PFKFB3: variants seen among roughly 807,000 people sequenced by gnomAD.
The protein encoded by PFKFB3 is 6-phosphofructo-2-kinase/fructose-2,6-bisphosphatase 3.
PFKFB3 carries 33 observed loss-of-function variants against 68.0 expected under a neutral mutation model. That is an observed-to-expected ratio of 0.49 (90% CI 0.37 to 0.65). PFKFB3 has a LOEUF of 0.65. Among genes scored for constraint, PFKFB3 ranks in the 30% least tolerant of loss-of-function variants. PFKFB3 has a pLI of 0.00. For missense variants in PFKFB3, 586 were observed against 712.2 expected (o/e 0.82, Z 2.02); for synonymous variants, 315 against 288.2 (o/e 1.09, Z -0.94).
At chr10:6,246,305 A>T (rs1846257702) in intron 14 of PFKFB3, among the ~76,000 whole-genome samples, 1 of 150,738 alleles carries the variant, frequency 6.6e-6, no homozygotes, top group Non-Finnish European at 1.5e-5. Context: ...CTTGATGTAC[A>T]TTTTTATTTT....
chr10:6,278,168 G>A, the PFKFB3 span, among the ~76,000 whole-genome samples: 3 of 151,972 alleles, frequency 2.0e-5, no homozygotes, highest in Non-Finnish European at 2.9e-5. Flanking sequence ...CGCCTGCCTC[G>A]GCCTCCCAAA....
chr10:6,146,947 A>G lies in PFKFB3; in HGVS notation c.16+1934A>G, dbSNP rs193267813. ...TCCTGGAGGTCCCAGAGTGTAAGAA[A>G]CTGTTGCTTGGCATAAGTGCTGTCT... On this transcript the variant is annotated intron_variant, in intron 1 of 14. Transcript: ENST00000379789. Among the ~76,000 whole-genome samples the G allele has an allele frequency of 2.0e-5, 3 of 152,312 alleles. No individual in the cohort carries two copies. The East Asian group carries it at 5.8e-4, about 29-fold the overall frequency.
intron 1 of PFKFB3, among the ~76,000 whole-genome samples, chr10:6,203,688 A>G (rs962333244): frequency 6.6e-6 from 1 of 151,908 alleles, no homozygotes; most frequent in Non-Finnish European, 1.5e-5. Flanking sequence ...AGCGCAGCCC[A>G]GGGACCCGGC....
chr10:6,291,669 A>C, the PFKFB3 span, among the ~76,000 whole-genome samples: 3 of 152,216 alleles, frequency 2.0e-5, 1 homozygote, highest in South Asian at 6.2e-4. Flanking sequence ...TGACTAGAAA[A>C]TCTCAAATAC....
chr10:6,229,713 C>T lies in PFKFB3; in HGVS notation c.1516-3182C>T, dbSNP rs1845607555. ...TTGGACTTGGAGCCTGAAGGTTTTA[C>T]ATCTGTGCATGTCCTGATCCTTTAG... On this transcript the variant is annotated intron_variant, in intron 14 of 14. Coordinates refer to ENST00000379775, the MANE Select transcript of PFKFB3 (RefSeq NM_004566.4). The surrounding 1 kb of genome is among the most constrained non-coding windows in gnomAD (Gnocchi z 4.3). 6.6e-6 allele frequency among the ~76,000 whole-genome samples: 1 copy of T among 152,234 alleles called. No individual in the cohort carries two copies. Among genetic ancestry groups the T allele is most frequent in the Non-Finnish European group, 1.5e-5 (1 of 68,046 alleles).
At chr10:6,302,625 C>T in the PFKFB3 span, among the ~76,000 whole-genome samples, 1 of 151,908 alleles carries the variant, frequency 6.6e-6, no homozygotes, top group East Asian at 1.9e-4. Flanking sequence ...AGGCAATCCA[C>T]CTGCCTCGGC....
rs1315338124 is a variant in PFKFB3 at position 6,206,923 on chromosome 10, G to A, written c.76+3587G>A. 4.5e-4 allele frequency among the ~76,000 whole-genome samples: 63 copies of A among 139,994 alleles called. 1 individual carries two copies. Among genetic ancestry groups the A allele is most frequent in the African/African-American group, 1.5e-3 (59 of 38,254 alleles). The allele number at this position is 139,994 out of a possible 152,430, so 91.8% of individuals were successfully genotyped here. A position where few individuals can be genotyped will look rare whatever the true frequency, so the allele number is the denominator to read the frequency against. Reference sequence around the variant, plus strand: ...GCTCCTCACATCCCAGACGATGGGCGGCCAGGCAGAGACACTCCTCACTTT... The same window carrying A: ...GCTCCTCACATCCCAGACGATGGGCAGCCAGGCAGAGACACTCCTCACTTT... On this transcript the variant is annotated intron_variant, in intron 1 of 14. Transcript: ENST00000379775.
intron 1 of PFKFB3, among the ~76,000 whole-genome samples, chr10:6,174,806 GTTTC>G (rs1842414100): frequency 7.0e-6 from 1 of 143,248 alleles, no homozygotes; most frequent in East Asian, 2.1e-4. Flanking sequence ...CTTCTACTTT[GTTTC>G]TTTCTTTAAT....
At position 6,158,680 on chromosome 10, in the gene PFKFB3, A is replaced by T. The variant is rs146135969; in HGVS notation, c.16+13667A>T. On this transcript the variant is annotated intron_variant, in intron 1 of 14. Coordinates refer to the PFKFB3 transcript ENST00000379789. ...CAGGAGTTCAAGACCAGCCTGGTCG[A>T]CATGGTGAAACCCCATCTCTACTAA... is the stretch of plus-strand genomic sequence containing the variant. Among the ~76,000 whole-genome samples the T allele has an allele frequency of 7.1e-3, 1,088 of 152,286 alleles. 13 individuals are homozygous for T. The highest frequency in any genetic ancestry group is 0.059 in the South Asian group (286 of 4,812).
At chr10:6,189,061 G>C (rs947998338) in intron 1 of PFKFB3, among the ~76,000 whole-genome samples, 7 of 152,026 alleles carry the variant, frequency 4.6e-5, no homozygotes, top group South Asian at 2.1e-4. Context: ...GGATGGTCTC[G>C]ATCTCCTGAC....
chr10:6,219,521 GA>G, intron 6 of PFKFB3, 47 bp from the exon 7 acceptor site: 1 of 1,611,804 alleles, frequency 6.2e-7, no homozygotes, highest in Non-Finnish European at 8.5e-7. Context: ...AATCTCAGCA[GA>G]AAGCCTTCCA....
chr10:6,324,169 G>A, the PFKFB3 span, among the ~76,000 whole-genome samples: 2 of 152,166 alleles, frequency 1.3e-5, no homozygotes, highest in Non-Finnish European at 2.9e-5. Context: ...CAACATGGAC[G>A]AACCTTGATG....
the PFKFB3 span, among the ~76,000 whole-genome samples, chr10:6,296,368 A>C: frequency 6.6e-6 from 1 of 152,190 alleles, no homozygotes; most frequent in Non-Finnish European, 1.5e-5. Flanking sequence ...ATGTTACCGG[A>C]AAGGGGTCCC....
Position 6,167,726 on chromosome 10 carries a change from A to C in PFKFB3, c.16+22713A>C, listed in dbSNP as rs79401430. The stretch of plus-strand genomic sequence containing the variant: ...CCTCTCTGCTCTGAGCAGTTTGTGG[A>C]GCTCCAGAAGATGTCTCTGATGATC... On this transcript the variant is annotated intron_variant, in intron 1 of 14. Transcript: ENST00000379789. Among the ~76,000 whole-genome samples the C allele has an allele frequency of 3.9e-3, 587 of 152,262 alleles. 2 individuals carry two copies. Among genetic ancestry groups the C allele is most frequent in the Middle Eastern group, 6.8e-3 (2 of 294 alleles).
chr10:6,150,798 G>A (rs1841551772), intron 1 of PFKFB3, among the ~76,000 whole-genome samples: 1 of 152,166 alleles, frequency 6.6e-6, no homozygotes. Flanking sequence ...AGGAGTTTGA[G>A]ACCAGCCTGA....
At chr10:6,252,066 A>C (rs1254757363) in intron 14 of PFKFB3, among the ~76,000 whole-genome samples, 1 of 152,206 alleles carries the variant, frequency 6.6e-6, no homozygotes, top group African/African-American at 2.4e-5. Context: ...TCCATCTTTA[A>C]AACCTGGACA....
Position 6,228,297 on chromosome 10 carries a change from T to C in PFKFB3, c.1515+1932T>C. 1 of 1,528,892 alleles carries C rather than the reference T, an allele frequency of 6.5e-7. No homozygotes were observed. The highest frequency in any genetic ancestry group is 9.1e-7 in the Non-Finnish European group (1 of 1,104,282). The allele number at this position is 1,528,892 out of a possible 1,614,324, so 94.7% of individuals were successfully genotyped here. On this transcript the variant is annotated intron_variant, in intron 14 of 14. Coordinates refer to ENST00000379775, the MANE Select transcript of PFKFB3 (RefSeq NM_004566.4). This position sits in a 1 kb window ranked among gnomAD's most constrained non-coding sequence, Gnocchi z 4.5. Reference sequence around the variant, plus strand: ...TCATTTGGCCTCCTGCCTGTTAAAATATTGAGGATGAGAGCAGTTTTGTGA... The same window carrying C: ...TCATTTGGCCTCCTGCCTGTTAAAACATTGAGGATGAGAGCAGTTTTGTGA...
At chr10:6,261,147 G>A in the PFKFB3 span, among the ~76,000 whole-genome samples, 1 of 152,188 alleles carries the variant, frequency 6.6e-6, no homozygotes, top group African/African-American at 2.4e-5. Flanking sequence ...GACAAACGAG[G>A]TTGTCTTTTC....
chr10:6,204,143 G>C (rs1483936860), intron 1 of PFKFB3, among the ~76,000 whole-genome samples: 15 of 152,376 alleles, frequency 9.8e-5, no homozygotes, highest in Non-Finnish European at 2.9e-5. Flanking sequence ...CGCCACCAGC[G>C]ATCGCTTGGG....
Sources: allele counts gnomAD v4.1 joint callset (sites outside exome capture counted in the v4.1 genomes callset), GRCh38; gene constraint gnomAD v4.1.1; non-coding constraint Gnocchi (gnomAD v3.1); transcripts MANE v1.5; gene names NCBI Gene and HGNC (gene_info 2026-07-23, HGNC 2026-07-21).